The following YPEL2 variants were observed in gnomAD, a reference collection of about 807,000 sequenced individuals.
The protein encoded by YPEL2 is protein yippee-like 2.
In YPEL2, 2 loss-of-function variants were observed where a neutral mutation model predicts 19.1. The ratio of observed to expected loss-of-function variants is 0.10; its 90% CI spans 0.04 to 0.33. YPEL2 has a LOEUF of 0.33. Among genes scored for constraint, YPEL2 ranks in the 10% least tolerant of loss-of-function variants. The pLI is 1.00. For synonymous variants in YPEL2, 52 were observed against 50.0 expected, an observed-to-expected ratio of 1.04 and a Z score of -0.17; for missense variants, 66 against 140.7, an observed-to-expected ratio of 0.47 and a Z score of 2.68.
chr17:59,392,507 G>GTTTTTTT (rs3063116), intron 4 of YPEL2, among the ~76,000 whole-genome samples: 6 of 103,170 alleles, frequency 5.8e-5, no homozygotes, highest in African/African-American at 1.6e-4. Flanking sequence ...CTCAGGGCAC[G>GTTTTTTT]TTTTTTTTTT....
chr17:59,342,630 G>A (rs1360791241), intron 1 of YPEL2, among the ~76,000 whole-genome samples: 1 of 152,038 alleles, frequency 6.6e-6, no homozygotes, highest in Non-Finnish European at 1.5e-5. Flanking sequence ...GTTTTAACCA[G>A]GATTATCATC....
At chr17:59,380,274 T>TC (rs1271334766) in intron 2 of YPEL2, among the ~76,000 whole-genome samples, 2 of 20,660 alleles carry the variant, frequency 9.7e-5, no homozygotes, top group African/African-American at 1.2e-3. Context: ...TCTAACTTCT[T>TC]TTTTTTTTTT....
chr17:59,385,510 C>G (rs959456272), intron 2 of YPEL2, among the ~76,000 whole-genome samples: 1 of 152,066 alleles, frequency 6.6e-6, no homozygotes, highest in African/African-American at 2.4e-5. Flanking sequence ...CCCAGGAGAT[C>G]AAGGCTGCAG....
intron 2 of YPEL2, among the ~76,000 whole-genome samples, chr17:59,373,514 A>G (rs983176373): frequency 1.3e-5 from 2 of 151,964 alleles, no homozygotes; most frequent in Admixed American, 1.3e-4. Context: ...ACTGCTTTAG[A>G]CTTAATGTAT....
At chr17:59,382,748 C>T (rs923594401) in intron 2 of YPEL2, among the ~76,000 whole-genome samples, 3 of 152,056 alleles carry the variant, frequency 2.0e-5, no homozygotes, top group South Asian at 2.1e-4. Context: ...ATTCAAAAGA[C>T]GTATTCTAAT....
chr17:59,377,260 T>C (rs1162851817), intron 2 of YPEL2, among the ~76,000 whole-genome samples: 2 of 152,194 alleles, frequency 1.3e-5, no homozygotes, highest in Non-Finnish European at 2.9e-5. Context: ...TAATTTATAT[T>C]ATCCTTTTTA....
chr17:59,364,681 G>A (rs182290294), intron 2 of YPEL2, among the ~76,000 whole-genome samples: 85 of 143,938 alleles, frequency 5.9e-4, no homozygotes, highest in Non-Finnish European at 1.0e-3. Flanking sequence ...GCAATGGCAC[G>A]ATCTTAGCTC....
chr17:59,348,669 ATTAG>A (rs2047769760), intron 1 of YPEL2, among the ~76,000 whole-genome samples: 1 of 152,194 alleles, frequency 6.6e-6, no homozygotes, highest in African/African-American at 2.4e-5. Flanking sequence ...GTGATGGATT[ATTAG>A]TTCACTTAAA....
intron 2 of YPEL2, among the ~76,000 whole-genome samples, chr17:59,368,715 AAGG>A (rs2047882709): frequency 6.6e-6 from 1 of 152,170 alleles, no homozygotes; most frequent in African/African-American, 2.4e-5. Context: ...AGGCCAAACT[AAGG>A]AGTTTAGACA....
At position 59,331,684 on chromosome 17, in the gene YPEL2, G is replaced by C. The variant is rs1373989734; in HGVS notation, c.-336G>C. 2 of 153,628 alleles carry C rather than the reference G, an allele frequency of 1.3e-5. No individual in the cohort carries two copies. Among genetic ancestry groups the C allele is most frequent in the East Asian group, 3.8e-4 (2 of 5,240 alleles). 9.5% of individuals were successfully genotyped at this position (153,628 alleles called of 1,614,324 possible). A position where few individuals can be genotyped will look rare whatever the true frequency, so the allele number is the denominator to read the frequency against. ...CCCGGCCCGGACCCGGAGGGATGCG[G>C]AGTGGCGGCCGCGGCGGTGGCGGAG... On this transcript the variant is annotated 5_prime_UTR_variant, in exon 1 of 5. Coordinates refer to ENST00000312655, the MANE Select transcript of YPEL2 (RefSeq NM_001005404.4).
chr17:59,376,379 C>T (rs889751660), intron 2 of YPEL2, among the ~76,000 whole-genome samples: 8 of 152,122 alleles, frequency 5.3e-5, no homozygotes, highest in African/African-American at 9.7e-5. Flanking sequence ...CCACCACATC[C>T]GGCTAATTTT....
intron 1 of YPEL2, among the ~76,000 whole-genome samples, chr17:59,332,956 T>C (rs1418858310): frequency 2.0e-5 from 3 of 152,228 alleles, no homozygotes; most frequent in Non-Finnish European, 4.4e-5. Flanking sequence ...CTTCCTTCCT[T>C]GTTCTTCCTT....
chr17:59,384,709 G>T (rs1467628867), intron 2 of YPEL2, among the ~76,000 whole-genome samples: 2 of 152,176 alleles, frequency 1.3e-5, no homozygotes, highest in Non-Finnish European at 2.9e-5. Context: ...TGGAGAAAAG[G>T]GTTGTCTGGG....
chr17:59,346,470 T>A (rs1398423646), intron 1 of YPEL2, among the ~76,000 whole-genome samples: 2 of 151,864 alleles, frequency 1.3e-5, no homozygotes, highest in Non-Finnish European at 2.9e-5. Context: ...AGGAGAGAAT[T>A]GGGTTAGATG....
chr17:59,360,268 C>T (rs866222907), intron 2 of YPEL2, among the ~76,000 whole-genome samples: 28 of 152,272 alleles, frequency 1.8e-4, no homozygotes, highest in African/African-American at 5.5e-4. Flanking sequence ...TTAGTAGAGA[C>T]GGGTTTCACC....
chr17:59,381,933 C>T (rs1394218848), intron 2 of YPEL2, among the ~76,000 whole-genome samples: 3 of 152,214 alleles, frequency 2.0e-5, no homozygotes, highest in Non-Finnish European at 4.4e-5. Context: ...AGTCTCCCCA[C>T]CTTCGGTACC....
intron 1 of YPEL2, among the ~76,000 whole-genome samples, chr17:59,346,910 C>T (rs568552664): frequency 2.1e-4 from 32 of 152,220 alleles, no homozygotes; most frequent in Admixed American, 9.8e-4. Flanking sequence ...AAAGTGCAAG[C>T]GTGGTGTACT....
chr17:59,390,859 T>G (rs2048004016), intron 4 of YPEL2, among the ~76,000 whole-genome samples: 1 of 152,242 alleles, frequency 6.6e-6, no homozygotes, highest in African/African-American at 2.4e-5. Flanking sequence ...CTTATTTGTC[T>G]GTGTGTCCTT....
At chr17:59,340,355 C>T (rs1399251204) in intron 1 of YPEL2, among the ~76,000 whole-genome samples, 7 of 152,102 alleles carry the variant, frequency 4.6e-5, no homozygotes, top group East Asian at 1.9e-4. Context: ...GTGATCCACC[C>T]GCCTTGGCCT....
Sources: gnomAD v4.1 joint callset for allele counts (sites outside exome capture counted in the v4.1 genomes callset) on GRCh38, gnomAD v4.1.1 for gene constraint, MANE v1.5 for transcripts, NCBI Gene and HGNC (gene_info 2026-07-23, HGNC 2026-07-21) for gene names.